HSD17B12: variants seen among roughly 807,000 people sequenced by gnomAD.
HSD17B12 encodes the protein hydroxysteroid 17-beta dehydrogenase 12.
In HSD17B12, 32 loss-of-function variants were observed where a neutral mutation model predicts 39.3. The ratio of observed to expected loss-of-function variants is 0.81; its 90% confidence interval spans 0.61 to 1.09. The LOEUF (loss-of-function observed/expected upper bound fraction) is 1.09. Ranked by LOEUF, HSD17B12 falls within the 50% of genes least tolerant of loss-of-function variation. HSD17B12 has a pLI of 0.00. For synonymous variants in HSD17B12, 150 were observed against 146.7 expected, an observed-to-expected ratio of 1.02 and a Z score of -0.16; for missense variants, 342 against 382.9, an observed-to-expected ratio of 0.89 and a Z score of 0.89.
the HSD17B12 span, chr11:43,578,918 G>C: frequency 1.3e-5 from 2 of 152,118 alleles, no homozygotes; most frequent in Admixed American, 6.5e-5. Context: ...TTCAATGGTA[G>C]CGGTGTAATT....
At chr11:43,666,937 G>A in the HSD17B12 span, among the ~76,000 whole-genome samples, 36 of 152,282 alleles carry the variant, frequency 2.4e-4, no homozygotes, top group African/African-American at 7.9e-4. Context: ...CAATAATTGC[G>A]TGTTTACTTT....
At chr11:43,681,202 G>A in intron 1 of HSD17B12, 2 of 1,305,536 alleles carry the variant, frequency 1.5e-6, no homozygotes, top group Non-Finnish European at 2.0e-6. Flanking sequence ...TACACTGCTC[G>A]CTCAATCCTG....
At chr11:43,725,608 A>G (rs1000954509) in intron 1 of HSD17B12, among the ~76,000 whole-genome samples, 1 of 152,238 alleles carries the variant, frequency 6.6e-6, no homozygotes, top group Non-Finnish European at 1.5e-5. Flanking sequence ...TATGCCAGCT[A>G]CTATTCTAGG....
chr11:43,822,311 C>T (rs1441055569), intron 6 of HSD17B12, among the ~76,000 whole-genome samples: 1 of 151,972 alleles, frequency 6.6e-6, no homozygotes, highest in Non-Finnish European at 1.5e-5. Context: ...TTTCTTTTTA[C>T]TTTTTTAAGT....
intron 1 of HSD17B12, among the ~76,000 whole-genome samples, chr11:43,748,726 A>G (rs371025183): frequency 1.5e-4 from 23 of 152,360 alleles, no homozygotes; most frequent in African/African-American, 5.5e-4. Context: ...TAAATCTGTT[A>G]GTTACTAATG....
At chr11:43,619,398 T>TC in the HSD17B12 span, among the ~76,000 whole-genome samples, 2 of 148,056 alleles carry the variant, frequency 1.4e-5, no homozygotes, top group African/African-American at 4.9e-5. Context: ...TCTTTTCTTT[T>TC]TTTTTTTTGA....
chr11:43,679,546 C>G (rs922561267), upstream of HSD17B12, among the ~76,000 whole-genome samples: 1 of 152,134 alleles, frequency 6.6e-6, no homozygotes, highest in Admixed American at 6.6e-5. Context: ...AGTTCCCATG[C>G]CTCTATCTGG....
intron 1 of HSD17B12, among the ~76,000 whole-genome samples, chr11:43,748,101 G>A (rs1200279224): frequency 1.3e-5 from 2 of 152,150 alleles, no homozygotes; most frequent in Non-Finnish European, 2.9e-5. Flanking sequence ...CAAGAATACA[G>A]TATAAAATTT....
At chr11:43,764,310 G>C (rs914440647) in intron 3 of HSD17B12, among the ~76,000 whole-genome samples, 4 of 152,076 alleles carry the variant, frequency 2.6e-5, no homozygotes, top group African/African-American at 9.7e-5. Context: ...TTTCTGTGGG[G>C]AATGATTTGT....
At chr11:43,564,643 C>T in the HSD17B12 span, among the ~76,000 whole-genome samples, 1 of 152,310 alleles carries the variant, frequency 6.6e-6, no homozygotes, top group Non-Finnish European at 1.5e-5. Context: ...CCAGAATGAA[C>T]CTTTCATATG....
upstream of HSD17B12, among the ~76,000 whole-genome samples, chr11:43,680,305 C>G (rs557819916): frequency 6.6e-6 from 1 of 152,328 alleles, no homozygotes; most frequent in African/African-American, 2.4e-5. Flanking sequence ...CTCCTAAGCT[C>G]AAGCGATTCG....
intron 4 of HSD17B12, among the ~76,000 whole-genome samples, chr11:43,813,424 G>A (rs1188187525): frequency 6.6e-6 from 1 of 152,176 alleles, no homozygotes; most frequent in Non-Finnish European, 1.5e-5. Flanking sequence ...TATGAAGAGT[G>A]AAGGGAGATA....
upstream of HSD17B12, among the ~76,000 whole-genome samples, chr11:43,676,530 G>A (rs947723457): frequency 1.6e-4 from 25 of 152,320 alleles, no homozygotes; most frequent in East Asian, 4.6e-3. Flanking sequence ...AAAGGACACT[G>A]AGAGGAAAGC....
intron 9 of HSD17B12, among the ~76,000 whole-genome samples, chr11:43,844,026 A>G (rs1263702715): frequency 2.0e-5 from 3 of 151,866 alleles, no homozygotes; most frequent in Non-Finnish European, 4.4e-5. Context: ...TGGCTTTTTG[A>G]GCTTCTTCTA....
intron 1 of HSD17B12, among the ~76,000 whole-genome samples, chr11:43,725,304 A>G (rs1446507319): frequency 6.6e-6 from 1 of 152,222 alleles, no homozygotes; most frequent in Admixed American, 6.5e-5. Context: ...TGCAAAGGTT[A>G]AAAAAGATGA....
intron 1 of HSD17B12, among the ~76,000 whole-genome samples, chr11:43,716,803 T>C (rs554998364): frequency 3.3e-4 from 50 of 150,342 alleles, no homozygotes; most frequent in African/African-American, 1.2e-3. Context: ...AGGAGAAACA[T>C]CTGGCATGGT....
intron 1 of HSD17B12, chr11:43,718,791 A>C (rs1351282749): frequency 3.0e-6 from 3 of 998,250 alleles, no homozygotes; most frequent in Non-Finnish European, 4.7e-6. Context: ...AAAAAAAAGA[A>C]GACCCGCACG....
At chr11:43,804,841 T>G (rs184709456) in intron 4 of HSD17B12, among the ~76,000 whole-genome samples, 3 of 152,334 alleles carry the variant, frequency 2.0e-5, no homozygotes, top group Admixed American at 2.0e-4. Flanking sequence ...TATACTTACA[T>G]TTTCAAAGTT....
intron 7 of HSD17B12, chr11:43,833,718 C>T (rs1433385220): frequency 1.3e-5 from 2 of 152,144 alleles, no homozygotes; most frequent in African/African-American, 4.8e-5. Context: ...TGAGTAACAG[C>T]AGAGTCCTTT....
Sources: allele counts gnomAD v4.1 joint callset (sites outside exome capture counted in the v4.1 genomes callset), GRCh38; gene constraint gnomAD v4.1.1; transcripts MANE v1.5; gene names NCBI Gene and HGNC (gene_info 2026-07-23, HGNC 2026-07-21).